The following KCNJ3 variants were observed in gnomAD, a reference collection of about 807,000 sequenced individuals.
The protein encoded by KCNJ3 is G protein-activated inward rectifier potassium channel 1.
Under a neutral mutation model 39.2 loss-of-function variants are expected in KCNJ3, and 4 were observed. The ratio of observed to expected loss-of-function variants is 0.10; its 90% CI spans 0.05 to 0.23. KCNJ3 has a LOEUF of 0.23. KCNJ3 is among the 10% of genes least tolerant of loss of function. KCNJ3 has a pLI of 1.00. For missense variants in KCNJ3, 276 were observed against 634.9 expected, an observed-to-expected ratio of 0.43 and a Z score of 6.08; for synonymous variants, 230 against 237.4, an observed-to-expected ratio of 0.97 and a Z score of 0.29.
chr2:154,711,644 G>A (rs766868412), intron 2 of KCNJ3, among the ~76,000 whole-genome samples: 2 of 151,936 alleles, frequency 1.3e-5, no homozygotes, highest in Non-Finnish European at 1.5e-5. Flanking sequence ...GAAAAATTAG[G>A]CCGGGTATTT....
At chr2:154,788,317 G>T (rs1213091508) in intron 2 of KCNJ3, among the ~76,000 whole-genome samples, 1 of 152,236 alleles carries the variant, frequency 6.6e-6, no homozygotes, top group Non-Finnish European at 1.5e-5. Flanking sequence ...GCAAATTATT[G>T]TATTCAGCTG....
chr2:154,719,026 TTACAC>T (rs1685224612), intron 2 of KCNJ3, among the ~76,000 whole-genome samples: 1 of 152,232 alleles, frequency 6.6e-6, no homozygotes, highest in Admixed American at 6.5e-5. Context: ...ACTGCACAAT[TTACAC>T]TAATTCATTT....
intron 1 of KCNJ3, among the ~76,000 whole-genome samples, chr2:154,701,871 G>A (rs934131931): frequency 2.6e-5 from 4 of 151,982 alleles, no homozygotes; most frequent in Non-Finnish European, 4.4e-5. Flanking sequence ...GTCAGTTAGC[G>A]TAGCTTGTTC....
intron 2 of KCNJ3, among the ~76,000 whole-genome samples, chr2:154,767,833 T>G (rs1003003458): frequency 1.3e-5 from 2 of 152,216 alleles, no homozygotes; most frequent in African/African-American, 4.8e-5. Flanking sequence ...TTTCTCCACA[T>G]CCTCTCTAAC....
chr2:154,841,954 G>C (rs1257251455), intron 2 of KCNJ3, among the ~76,000 whole-genome samples: 1 of 151,916 alleles, frequency 6.6e-6, no homozygotes, highest in East Asian at 1.9e-4. Flanking sequence ...GTTCTGCTCT[G>C]ATCTTAGTTA....
At chr2:154,848,783 G>A (rs544539938) in intron 2 of KCNJ3, among the ~76,000 whole-genome samples, 27 of 152,204 alleles carry the variant, frequency 1.8e-4, no homozygotes, top group Middle Eastern at 3.4e-3. Context: ...GCTGGGATGC[G>A]GCCCCAGGGT....
chr2:154,757,491 C>T (rs754615643), intron 2 of KCNJ3, among the ~76,000 whole-genome samples: 14 of 151,904 alleles, frequency 9.2e-5, no homozygotes, highest in Non-Finnish European at 1.8e-4. Context: ...CATATCTCCC[C>T]ATTCTATATA....
intron 2 of KCNJ3, among the ~76,000 whole-genome samples, chr2:154,722,097 T>C (rs1685271300): frequency 6.6e-6 from 1 of 152,128 alleles, no homozygotes; most frequent in African/African-American, 2.4e-5. Flanking sequence ...TTTTGTCTCA[T>C]AGGTAGGCCT....
intron 2 of KCNJ3, among the ~76,000 whole-genome samples, chr2:154,767,195 T>TA (rs112132435): frequency 0.087 from 13,277 of 151,960 alleles, 896 homozygotes; most frequent in East Asian, 0.28. Context: ...CCTTTTTTTT[T>TA]AAAATTATAC....
chr2:154,753,990 A>T (rs923144534), intron 2 of KCNJ3, among the ~76,000 whole-genome samples: 1 of 152,080 alleles, frequency 6.6e-6, no homozygotes, highest in African/African-American at 2.4e-5. Context: ...TGACTCCATA[A>T]TTTTTTACTA....
chr2:154,830,180 T>G (rs1214559468), intron 2 of KCNJ3, among the ~76,000 whole-genome samples: 1 of 152,218 alleles, frequency 6.6e-6, no homozygotes, highest in Non-Finnish European at 1.5e-5. Flanking sequence ...AAGCTAGTGT[T>G]TTAAATTATG....
chr2:154,851,954 C>T (rs1406852869), intron 2 of KCNJ3, among the ~76,000 whole-genome samples: 3 of 151,814 alleles, frequency 2.0e-5, no homozygotes, highest in African/African-American at 7.3e-5. Flanking sequence ...AAAAAAAAGC[C>T]ACCAAAATGA....
chr2:154,798,848 T>G (rs1009252139), intron 2 of KCNJ3, among the ~76,000 whole-genome samples: 2 of 152,116 alleles, frequency 1.3e-5, no homozygotes, highest in African/African-American at 4.8e-5. Flanking sequence ...TGATAGAAAA[T>G]TAACATTGTT....
chr2:154,838,773 A>G (rs1687516697), intron 2 of KCNJ3, among the ~76,000 whole-genome samples: 1 of 152,234 alleles, frequency 6.6e-6, no homozygotes, highest in Admixed American at 6.5e-5. Context: ...TAACCTAAGT[A>G]TTTGATTATT....
chr2:154,765,532 T>C (rs1464802530), intron 2 of KCNJ3, among the ~76,000 whole-genome samples: 1 of 152,226 alleles, frequency 6.6e-6, no homozygotes, highest in Admixed American at 6.5e-5. Flanking sequence ...TCAGTATGCA[T>C]TTGTGAACTG....
intron 2 of KCNJ3, among the ~76,000 whole-genome samples, chr2:154,737,247 T>C (rs143053588): frequency 1.3e-5 from 2 of 152,310 alleles, no homozygotes; most frequent in African/African-American, 4.8e-5. Flanking sequence ...TGTGTCAGTA[T>C]TGGGGCAAAA....
At chr2:154,778,946 G>A (rs1042522935) in intron 2 of KCNJ3, among the ~76,000 whole-genome samples, 2 of 152,042 alleles carry the variant, frequency 1.3e-5, no homozygotes, top group Non-Finnish European at 1.5e-5. Flanking sequence ...CTAAATTTTA[G>A]TATTCCCCTA....
chr2:154,811,710 C>A (rs549328960), intron 2 of KCNJ3, among the ~76,000 whole-genome samples: 10 of 152,254 alleles, frequency 6.6e-5, no homozygotes, highest in African/African-American at 2.2e-4. Flanking sequence ...CTCTAGCAAG[C>A]CTTTGGTCTC....
chr2:154,773,882 T>C (rs907260468), intron 2 of KCNJ3, among the ~76,000 whole-genome samples: 2 of 152,176 alleles, frequency 1.3e-5, no homozygotes, highest in Non-Finnish European at 2.9e-5. Context: ...TCTTTACAAA[T>C]GTATTAGTCT....
Sources: allele counts gnomAD v4.1 joint callset (sites outside exome capture counted in the v4.1 genomes callset), GRCh38; gene constraint gnomAD v4.1.1; transcripts MANE v1.5; gene names NCBI Gene and HGNC (gene_info 2026-07-23, HGNC 2026-07-21).